The following KLHL22 variants were observed in gnomAD, a reference collection of about 807,000 sequenced individuals.
The protein encoded by KLHL22 is kelch-like protein 22.
A neutral mutation model predicts 60.7 loss-of-function variants in KLHL22; 18 were observed. The ratio of observed to expected loss-of-function variants is 0.30; its 90% CI spans 0.20 to 0.44. The LOEUF (loss-of-function observed/expected upper bound fraction) is 0.44, where lower values mean the gene tolerates loss of function less well. Ranked by LOEUF, KLHL22 falls within the 20% of genes least tolerant of loss-of-function variation. The probability of loss-of-function intolerance (pLI) is 1.00; values close to 1 mark genes in which losing one functional copy is unlikely to be tolerated. For synonymous variants in KLHL22, 355 were observed against 354.5 expected (o/e 1.00, Z -0.01); for missense variants, 596 against 852.3 (o/e 0.70, Z 3.74).
chr22:20,449,065 G>GT (rs869103625), intron 5 of KLHL22, among the ~76,000 whole-genome samples: 4 of 142,024 alleles, frequency 2.8e-5, no homozygotes, highest in Admixed American at 6.9e-5. Flanking sequence ...GTTTTGTTTT[G>GT]TTTGTTTTTT....
intron 5 of KLHL22, chr22:20,450,521 G>C (rs564940749): frequency 6.2e-7 from 1 of 1,614,116 alleles, no homozygotes; most frequent in East Asian, 2.2e-5. Flanking sequence ...CCTTCTAATT[G>C]CCTGGGTATT....
intron 3 of KLHL22, among the ~76,000 whole-genome samples, chr22:20,467,502 G>T (rs973967604): frequency 6.6e-6 from 1 of 152,160 alleles, no homozygotes; most frequent in African/African-American, 2.4e-5. Flanking sequence ...TCAGGATGCT[G>T]TGGGGTCCCC....
At chr22:20,462,313 T>C (rs1411393815) in intron 4 of KLHL22, among the ~76,000 whole-genome samples, 1 of 150,046 alleles carries the variant, frequency 6.7e-6, no homozygotes, top group Non-Finnish European at 1.5e-5. Flanking sequence ...TACTTTAAAA[T>C]ATTAGCAGCC....
intron 2 of KLHL22, among the ~76,000 whole-genome samples, chr22:20,477,955 C>T (rs1267867230): frequency 6.6e-6 from 1 of 152,094 alleles, no homozygotes; most frequent in Admixed American, 6.6e-5. Flanking sequence ...CTTAGAGAGG[C>T]GAACTGAAGT....
intron 2 of KLHL22, among the ~76,000 whole-genome samples, chr22:20,473,234 AGAAAGCAGTAGCT>A (rs758940831): frequency 6.6e-6 from 1 of 152,186 alleles, no homozygotes. Flanking sequence ...CATTGCAGCT[AGAAAGCAGTAGCT>A]GAGACTACCC....
intron 2 of KLHL22, chr22:20,484,084 T>A: frequency 1.0e-6 from 1 of 969,166 alleles, no homozygotes; most frequent in East Asian, 2.7e-5. Context: ...GTGGAGAAGG[T>A]AGAGCGAGTG....
chr22:20,476,122 A>C (rs1178273613), intron 2 of KLHL22, among the ~76,000 whole-genome samples: 1 of 152,220 alleles, frequency 6.6e-6, no homozygotes, highest in Non-Finnish European at 1.5e-5. Flanking sequence ...CTCTGGGTCC[A>C]TTTGGAAGTC....
intron 3 of KLHL22, among the ~76,000 whole-genome samples, 160 bp downstream of exon 3, chr22:20,471,190 A>T (rs2053321045): frequency 6.6e-6 from 1 of 151,890 alleles, no homozygotes. Context: ...TCCAGGAACA[A>T]CTCCAGAGTC....
intron 5 of KLHL22, among the ~76,000 whole-genome samples, chr22:20,452,930 G>C (rs974942299): frequency 2.0e-4 from 31 of 152,178 alleles, no homozygotes; most frequent in African/African-American, 6.8e-4. Context: ...TCTGCTATAA[G>C]TTTTCCTTAC....
At chr22:20,447,060 C>G (rs547945765) in intron 5 of KLHL22, among the ~76,000 whole-genome samples, 2 of 152,338 alleles carry the variant, frequency 1.3e-5, no homozygotes, top group East Asian at 1.9e-4. Context: ...ACCCCTCCCC[C>G]ACTCCCACTG....
intron 6 of KLHL22, among the ~76,000 whole-genome samples, chr22:20,444,493 C>G (rs73156947): frequency 1.3e-5 from 2 of 152,088 alleles, no homozygotes; most frequent in Non-Finnish European, 2.9e-5. Flanking sequence ...CCAAGACCCA[C>G]CCTCAGGGCT....
intron 1 of KLHL22, chr22:20,489,842 A>G (rs1325313579): frequency 2.1e-6 from 1 of 469,196 alleles, no homozygotes; most frequent in Non-Finnish European, 4.4e-6. Flanking sequence ...TCCAGGGCCT[A>G]CTTTCCTTTA....
chr22:20,457,547 C>T (rs1245825688), intron 5 of KLHL22, among the ~76,000 whole-genome samples: 1 of 151,526 alleles, frequency 6.6e-6, no homozygotes, highest in Non-Finnish European at 1.5e-5. Context: ...GACAAGGTCT[C>T]AGCATGTAAG....
At chr22:20,456,225 T>C (rs1182454954) in intron 5 of KLHL22, 1 of 152,160 alleles carries the variant, frequency 6.6e-6, no homozygotes, top group South Asian at 2.1e-4. Flanking sequence ...CTTACCATAA[T>C]TGTAACCACT....
intron 5 of KLHL22, among the ~76,000 whole-genome samples, chr22:20,456,849 G>C (rs2053070619): frequency 6.6e-6 from 1 of 152,228 alleles, no homozygotes; most frequent in Non-Finnish European, 1.5e-5. Context: ...GGTCATGAGA[G>C]ATACTGGAAA....
chr22:20,464,744 G>A, intron 4 of KLHL22, 114 bp downstream of exon 4: 2 of 664,376 alleles, frequency 3.0e-6, no homozygotes, highest in South Asian at 2.0e-5. Context: ...TTCCACAATG[G>A]CAAGTGATGC....
chr22:20,486,668 T>C (rs1034413224), intron 2 of KLHL22, among the ~76,000 whole-genome samples: 7 of 150,314 alleles, frequency 4.7e-5, no homozygotes, highest in African/African-American at 1.7e-4. Context: ...CACTTGGGAA[T>C]GGTCTATTTC....
intron 6 of KLHL22, among the ~76,000 whole-genome samples, chr22:20,443,191 A>G (rs145070213): frequency 9.5e-4 from 145 of 152,326 alleles, no homozygotes; most frequent in African/African-American, 3.3e-3. Flanking sequence ...AAGTATTAAG[A>G]GCCATAAAAA....
At position 20,446,470 on chromosome 22, in the gene KLHL22, A is replaced by T. The variant is rs1237687312; in HGVS notation, c.1512T>A (p.Asp504Glu). The change falls in exon 6 of 7, where the codon GAT becomes GAA. Residue 504 changes from aspartate to glutamate, a missense_variant. Transcript: ENST00000328879. ...GGTGCACGTCCCTCCTGTATCCGGC[A>T]TCGTTGTTGCTGCCCCCGATCACAT... ...KLYVIGGSNN[D>E]AGYRRDVHQV... The T allele has an allele frequency of 1.9e-6, 3 of 1,611,280 alleles. No individual in the cohort carries two copies. Among genetic ancestry groups the T allele is most frequent in the Non-Finnish European group, 2.5e-6 (3 of 1,179,486 alleles).
Sources: gnomAD v4.1 joint callset for allele counts (sites outside exome capture counted in the v4.1 genomes callset) on GRCh38, gnomAD v4.1.1 for gene constraint, MANE v1.5 for transcripts, NCBI Gene and HGNC (gene_info 2026-07-23, HGNC 2026-07-21) for gene names.